The following AAK1 variants were observed in gnomAD, a reference collection of about 807,000 sequenced individuals.
The protein encoded by AAK1 is AP2 associated kinase 1.
Under a neutral mutation model 116.0 loss-of-function variants are expected in AAK1, and 37 were observed. The observed-to-expected ratio is 0.32, with a 90% CI of 0.25 to 0.42. The LOEUF is 0.42. Among genes scored for constraint, AAK1 ranks in the 10% least tolerant of loss-of-function variants. The pLI is 1.00. For missense variants in AAK1, 919 were observed against 1,170.6 expected, an observed-to-expected ratio of 0.79 and a Z score of 3.14; for synonymous variants, 458 against 439.9, an observed-to-expected ratio of 1.04 and a Z score of -0.51.
intron 2 of AAK1, among the ~76,000 whole-genome samples, chr2:69,611,462 G>C (rs568583019): frequency 1.3e-5 from 2 of 152,286 alleles, no homozygotes; most frequent in African/African-American, 4.8e-5. Context: ...ACAGCACATG[G>C]TTTAGAGTTG....
intron 10 of AAK1, among the ~76,000 whole-genome samples, chr2:69,524,440 T>C (rs902677921): frequency 1.3e-5 from 2 of 151,790 alleles, no homozygotes; most frequent in African/African-American, 4.8e-5. Context: ...TTGTTTTGTT[T>C]TGTTTTGTTT....
chr2:69,616,205 T>C (rs1277718945), intron 2 of AAK1, among the ~76,000 whole-genome samples: 2 of 152,210 alleles, frequency 1.3e-5, no homozygotes, highest in African/African-American at 4.8e-5. Flanking sequence ...AAGTTTGCTG[T>C]TGTCCAGGCT....
At chr2:69,587,243 C>T (rs1672807419) in intron 2 of AAK1, among the ~76,000 whole-genome samples, 1 of 151,350 alleles carries the variant, frequency 6.6e-6, no homozygotes, top group Non-Finnish European at 1.5e-5. Flanking sequence ...TGCCACCATG[C>T]TCAGCTTATA....
chr2:69,599,912 G>T (rs1298761302), intron 2 of AAK1, among the ~76,000 whole-genome samples: 1 of 151,726 alleles, frequency 6.6e-6, no homozygotes, highest in African/African-American at 2.4e-5. Context: ...TGAATAGTTG[G>T]AACTACAAGT....
rs1263307428 is a variant in AAK1, at chr2:69,469,909, C to T, written c.*5960G>A. 3.0e-6 allele frequency: 3 copies of T among 985,280 alleles called. No individual in the cohort carries two copies. Among genetic ancestry groups the T allele is most frequent in the Non-Finnish European group, 3.6e-6 (3 of 829,950 alleles). The allele number at this position is 985,280 out of a possible 1,614,324, so 61.0% of individuals were successfully genotyped here. ...CAAATTATGTAGATTTCAGCAAGAA[C>T]TCACATGCTTCAGGGAAGAGAAGGA... On this transcript the variant is annotated 3_prime_UTR_variant, in exon 22 of 22. Coordinates refer to ENST00000409085, the MANE Select transcript of AAK1 (RefSeq NM_014911.5).
chr2:69,611,955 T>C (rs143540281), intron 2 of AAK1, among the ~76,000 whole-genome samples: 64 of 152,250 alleles, frequency 4.2e-4, no homozygotes, highest in African/African-American at 1.4e-3. Context: ...GGCAAATTCA[T>C]AGGGACAGAA....
At chr2:69,629,063 C>T (rs899962771) in intron 2 of AAK1, among the ~76,000 whole-genome samples, 5 of 152,330 alleles carry the variant, frequency 3.3e-5, no homozygotes, top group African/African-American at 9.6e-5. Context: ...CTCCACACTC[C>T]GACCTCTTAA....
At chr2:69,553,803 T>G (rs1671284144) in intron 3 of AAK1, among the ~76,000 whole-genome samples, 1 of 151,130 alleles carries the variant, frequency 6.6e-6, no homozygotes, top group South Asian at 2.1e-4. Context: ...AGGCTGGGCA[T>G]AGTGGCTCAT....
intron 2 of AAK1, among the ~76,000 whole-genome samples, chr2:69,601,874 A>C (rs1018514504): frequency 6.6e-6 from 1 of 152,238 alleles, no homozygotes; most frequent in Non-Finnish European, 1.5e-5. Flanking sequence ...CAAAATACTT[A>C]CTAATTACAA....
intron 2 of AAK1, among the ~76,000 whole-genome samples, chr2:69,574,438 G>A (rs1052794258): frequency 6.6e-6 from 1 of 150,788 alleles, no homozygotes; most frequent in Admixed American, 6.6e-5. Flanking sequence ...TGGGCATGGT[G>A]GTGTATGCCT....
chr2:69,481,936 G>C, intron 18 of AAK1: 1 of 152,326 alleles, frequency 6.6e-6, no homozygotes, highest in Non-Finnish European at 1.5e-5. Flanking sequence ...CTCCCAAAGA[G>C]CTGGTAGCAC....
At chr2:69,490,052 A>G (rs957970890) in intron 17 of AAK1, among the ~76,000 whole-genome samples, 2 of 152,186 alleles carry the variant, frequency 1.3e-5, no homozygotes, top group African/African-American at 4.8e-5. Context: ...GAGATGATGA[A>G]TTGCCATAAA....
At chr2:69,608,628 C>T (rs189125389) in intron 2 of AAK1, among the ~76,000 whole-genome samples, 1 of 152,240 alleles carries the variant, frequency 6.6e-6, no homozygotes, top group African/African-American at 2.4e-5. Flanking sequence ...GAAGACTATA[C>T]AATCAAATTG....
At chr2:69,531,884 T>C in intron 6 of AAK1, 157 bp downstream of exon 6, 1 of 1,358,274 alleles carries the variant, frequency 7.4e-7, no homozygotes, top group Non-Finnish European at 9.9e-7. Flanking sequence ...ATTCTTCACT[T>C]AAAGTCAAAC....
chr2:69,468,910 A>AT lies in AAK1; in HGVS notation c.*6958dup. ...AACCTTCCAACTCAGAGCATATTCT[A>AT]TGACCTTCATGATGAGTACTGGGAA... On this transcript the variant is annotated 3_prime_UTR_variant, in exon 22 of 22. Transcript: ENST00000409085. The AT allele has an allele frequency of 2.0e-6, 2 of 985,454 alleles. No individual in the cohort carries two copies. Among genetic ancestry groups the AT allele is most frequent in the Non-Finnish European group, 2.4e-6 (2 of 829,936 alleles). The allele number at this position is 985,454 out of a possible 1,614,324, so 61.0% of individuals were successfully genotyped here.
At chr2:69,551,231 G>A (rs139359022) in intron 3 of AAK1, among the ~76,000 whole-genome samples, 84 of 152,224 alleles carry the variant, frequency 5.5e-4, no homozygotes, top group Middle Eastern at 3.4e-3. Context: ...GACACACACT[G>A]GGGCCGGTGG....
At chr2:69,514,349 C>T (rs1168204543) in intron 13 of AAK1, 122 bp downstream of exon 13, 2 of 1,274,010 alleles carry the variant, frequency 1.6e-6, no homozygotes, top group Non-Finnish European at 2.1e-6. Flanking sequence ...AATAATTGAA[C>T]CACCCAGGTG....
At chr2:69,613,634 T>C (rs1674189924) in intron 2 of AAK1, among the ~76,000 whole-genome samples, 1 of 152,164 alleles carries the variant, frequency 6.6e-6, no homozygotes, top group Admixed American at 6.5e-5. Context: ...AAAGCCTCCA[T>C]AAAAACCCTA....
intron 8 of AAK1, among the ~76,000 whole-genome samples, chr2:69,528,936 C>T (rs1670130126): frequency 6.7e-6 from 1 of 150,226 alleles, no homozygotes; most frequent in Non-Finnish European, 1.5e-5. Context: ...AATGCTTTAT[C>T]TCTTAAAACA....
Sources: allele counts gnomAD v4.1 joint callset (sites outside exome capture counted in the v4.1 genomes callset), GRCh38; gene constraint gnomAD v4.1.1; transcripts MANE v1.5; gene names NCBI Gene and HGNC (gene_info 2026-07-23, HGNC 2026-07-21).